Variants in PLS3 observed in about 807,000 individuals in gnomAD.
The protein encoded by PLS3 is plastin 3, also known as plastin-3.
A neutral mutation model predicts 46.5 loss-of-function variants in PLS3; 11 were observed. That is an observed-to-expected ratio of 0.24 (90% CI 0.15 to 0.39). PLS3 has a LOEUF of 0.39. PLS3 is among the 10% of genes least tolerant of loss of function. PLS3 has a pLI of 1.00. For synonymous variants in PLS3, 167 were observed against 162.2 expected (o/e 1.03, Z -0.22); for missense variants, 308 against 461.8 (o/e 0.67, Z 3.05).
At chrX:115,626,337 T>A (rs2074710260) in intron 3 of PLS3, among the ~76,000 whole-genome samples, 1 of 108,207 alleles carries the variant, frequency 9.2e-6, no homozygotes, top group Middle Eastern at 4.3e-3. Flanking sequence ...TAGGCTAGAG[T>A]GCAGTGGCGT....
At chrX:115,627,580 T>G (rs1337226579) in intron 3 of PLS3, among the ~76,000 whole-genome samples, 2 of 112,335 alleles carry the variant, frequency 1.8e-5, no homozygotes, top group Non-Finnish European at 3.7e-5. Flanking sequence ...AAAATCAGAT[T>G]GTAAATAAAA....
At chrX:115,593,183 C>T (rs1556633361) in intron 1 of PLS3, among the ~76,000 whole-genome samples, 2 of 110,910 alleles carry the variant, frequency 1.8e-5, no homozygotes, top group African/African-American at 3.3e-5. Context: ...TGACTATGGA[C>T]GAGTGACTTG....
chrX:115,564,765 G>T (rs2074162157), intron 1 of PLS3, among the ~76,000 whole-genome samples: 1 of 111,967 alleles, frequency 8.9e-6, no homozygotes. Context: ...TTTCTTTTTT[G>T]ATGTTTGGTA....
At chrX:115,568,055 T>G (rs782521881) in intron 1 of PLS3, among the ~76,000 whole-genome samples, 1 of 111,899 alleles carries the variant, frequency 8.9e-6, no homozygotes, top group East Asian at 2.8e-4. Flanking sequence ...TGAATGTAAT[T>G]TTCAAGCTTT....
intron 1 of PLS3, among the ~76,000 whole-genome samples, chrX:115,562,127 A>C (rs2074141519): frequency 9.1e-6 from 1 of 109,646 alleles, no homozygotes; most frequent in East Asian, 3.0e-4. Flanking sequence ...GGGAGGTAAT[A>C]GTCTACCCCC....
chrX:115,570,472 T>G (rs1374885088), intron 1 of PLS3, among the ~76,000 whole-genome samples: 2 of 109,184 alleles, frequency 1.8e-5, no homozygotes, highest in Non-Finnish European at 3.8e-5. Flanking sequence ...ATCTACCTCT[T>G]TTTCTCTAAT....
At chrX:115,610,079 T>C (rs2074533476) in intron 1 of PLS3, among the ~76,000 whole-genome samples, 164 bp from the exon 2 acceptor site, 1 of 112,258 alleles carries the variant, frequency 8.9e-6, no homozygotes, top group Non-Finnish European at 1.9e-5. Context: ...TGACTTCTCA[T>C]TTGTTTTCTT....
Position 115,633,896 on chromosome X carries a change from T to C in PLS3, c.501-104T>C. The C allele has an allele frequency of 7.8e-6, 4 of 511,084 alleles. No homozygotes were observed. The South Asian group carries it at 1.1e-4, about 14-fold the overall frequency. The allele number at this position is 511,084 out of a possible 1,213,427, so 42.1% of individuals were successfully genotyped here. On this transcript the variant is annotated intron_variant, in intron 5 of 15. Transcript: ENST00000355899. ...CATTTTTTAGAGTACATGAAAGAGA[T>C]GTTATAGTAAGCTTTAAAATATTTG...
At chrX:115,576,495 C>T (rs1223362287) in intron 1 of PLS3, among the ~76,000 whole-genome samples, 5 of 111,720 alleles carry the variant, frequency 4.5e-5, no homozygotes, top group East Asian at 2.8e-4. Flanking sequence ...TGCTTGATCC[C>T]GTGATCACGC....
chrX:115,632,079 C>T lies in PLS3; in HGVS notation c.501-1921C>T, dbSNP rs369460873. 4.0e-4 allele frequency among the ~76,000 whole-genome samples: 44 copies of T among 111,275 alleles called. No individual in the cohort carries two copies. In the South Asian group the frequency reaches 4.3e-3, roughly 11 times the overall value. On this transcript the variant is annotated intron_variant, in intron 5 of 15. Coordinates refer to ENST00000355899, the MANE Select transcript of PLS3 (RefSeq NM_005032.7). ...TCAGCCTACCAAAGCGCTGGGATTA[C>T]AGGCATGAGCCACCGTGCCCGGCCT...
At chrX:115,641,967 G>A (rs1556641051) in intron 9 of PLS3, among the ~76,000 whole-genome samples, 1 of 107,457 alleles carries the variant, frequency 9.3e-6, no homozygotes, top group Non-Finnish European at 1.9e-5. Flanking sequence ...CCACCCAGGT[G>A]CCTTTGCTCA....
intron 8 of PLS3, 118 bp downstream of exon 8, chrX:115,637,096 C>T (rs2074845441): frequency 2.9e-6 from 2 of 691,993 alleles, no homozygotes; most frequent in African/African-American, 4.3e-5. Flanking sequence ...TCTCTTGGCC[C>T]TGAAGGTAGA....
At chrX:115,636,663 T>A (rs946973185) in intron 7 of PLS3, among the ~76,000 whole-genome samples, 173 bp from the exon 8 acceptor site, 11 of 112,204 alleles carry the variant, frequency 9.8e-5, no homozygotes, top group Admixed American at 7.6e-4. Context: ...TATGTTATTA[T>A]ATCTGTTATA....
At chrX:115,617,393 C>T (rs1433991994) in intron 2 of PLS3, among the ~76,000 whole-genome samples, 1 of 111,553 alleles carries the variant, frequency 9.0e-6, no homozygotes, top group Non-Finnish European at 1.9e-5. Context: ...AGGGATATTT[C>T]TGTCAAGTTT....
intron 1 of PLS3, among the ~76,000 whole-genome samples, chrX:115,570,844 G>GA (rs1324695784): frequency 9.3e-6 from 1 of 107,780 alleles, no homozygotes; most frequent in East Asian, 2.9e-4. Flanking sequence ...GTTTCAGGTT[G>GA]AAGAAGCTTC....
intron 1 of PLS3, among the ~76,000 whole-genome samples, chrX:115,602,074 A>C (rs1436767881): frequency 2.7e-5 from 3 of 111,495 alleles, no homozygotes; most frequent in Non-Finnish European, 5.6e-5. Context: ...TATCTGAGAA[A>C]ATCCTACTTG....
chrX:115,633,412 C>A (rs1256688267), intron 5 of PLS3, among the ~76,000 whole-genome samples: 1 of 111,679 alleles, frequency 9.0e-6, no homozygotes, highest in Non-Finnish European at 1.9e-5. Context: ...CTCAGATGAT[C>A]CACCTGCCTT....
Position 115,649,804 on chromosome X carries a change from A to C in PLS3, c.*243A>C. 3.8e-6 allele frequency: 1 copy of C among 260,955 alleles called. No individual in the cohort carries two copies. The highest frequency in any genetic ancestry group is 5.8e-5 in the East Asian group (1 of 17,220). 21.5% of individuals were successfully genotyped at this position (260,955 alleles called of 1,213,427 possible). Reference sequence around the variant, plus strand: ...CCTGAAATGTGCTCATAGCCAAAACATTTTACTCTCTCCTCCTAGAATGCT... The same window carrying C: ...CCTGAAATGTGCTCATAGCCAAAACCTTTTACTCTCTCCTCCTAGAATGCT... On this transcript the variant is annotated 3_prime_UTR_variant, in exon 16 of 16. Transcript: ENST00000355899.
chrX:115,637,971 G>GTC (rs1207953478), intron 8 of PLS3, among the ~76,000 whole-genome samples: 2 of 111,234 alleles, frequency 1.8e-5, no homozygotes, highest in Non-Finnish European at 1.9e-5. Context: ...TTGTGACAGG[G>GTC]TCTCACTTCG....
Sources: gnomAD v4.1 joint callset for allele counts (sites outside exome capture counted in the v4.1 genomes callset) on GRCh38, gnomAD v4.1.1 for gene constraint, MANE v1.5 for transcripts, NCBI Gene and HGNC (gene_info 2026-07-23, HGNC 2026-07-21) for gene names.